The following ZNF219 variants were observed in gnomAD, a reference collection of about 807,000 sequenced individuals.
ZNF219 encodes the protein zinc finger protein 219.
ZNF219 carries 17 observed loss-of-function variants against 54.4 expected under a neutral mutation model. That is an observed-to-expected ratio of 0.31 (90% CI 0.21 to 0.47). The LOEUF is 0.47. Ranked by LOEUF, ZNF219 falls within the 20% of genes least tolerant of loss-of-function variation. ZNF219 has a pLI of 1.00. For synonymous variants in ZNF219, 518 were observed against 476.4 expected (o/e 1.09, Z -1.14); for missense variants, 1,014 against 1,062.3 (o/e 0.95, Z 0.63).
intron 3 of ZNF219, 147 bp downstream of exon 3, chr14:21,091,718 G>C (rs1888890790): frequency 3.5e-6 from 5 of 1,442,070 alleles, no homozygotes; most frequent in Non-Finnish European, 4.5e-6. Context: ...TGATGGCAAA[G>C]CCTCCAGGAA....
Position 21,091,429 on chromosome 14 carries a change from G to A in ZNF219, c.1546C>T (p.His516Tyr). Residue 516 changes from histidine (H) to tyrosine (Y), a missense_variant, in exon 4 of 5, where the codon CAT (histidine) becomes TAT (tyrosine). By Grantham distance (83) the His-to-Tyr change is moderately conservative (BLOSUM62 2). Coordinates refer to ENST00000360947, the MANE Select transcript of ZNF219 (RefSeq NM_016423.3). Reference protein sequence around the residue: ...SFRSAHHLKVHLRVHTGERPY... With the variant: ...SFRSAHHLKVYLRVHTGERPY... The stretch of plus-strand genomic sequence containing the variant: ...CCCTCACCTGTGTGCACTCGCAGAT[G>A]CACTTTGAGGTGATGTGCTGAGCGG... 1 of 1,600,028 alleles carries A rather than the reference G, an allele frequency of 6.2e-7. No homozygotes were observed. The highest frequency in any genetic ancestry group is 1.3e-5 in the African/African-American group (1 of 74,842).
chr14:21,100,988 G>A (rs1448324078), upstream of ZNF219: 1 of 187,448 alleles, frequency 5.3e-6, no homozygotes, highest in Non-Finnish European at 1.1e-5. Context: ...CTTGTGGAGT[G>A]AACTGAGGCC....
rs969092088 is a variant in ZNF219 at position 21,092,039 on chromosome 14, G to T, written c.1258C>A (p.Arg420=). The change falls in exon 3 of 5, where the codon CGG becomes AGG. Residue 420 remains arginine (R), a synonymous_variant. Coordinates refer to ENST00000360947, the MANE Select transcript of ZNF219 (RefSeq NM_016423.3). ...LSSALPARAR[R]HRAEEPEEEE... ...TCCTCAGGCTCCTCCGCACGGTGCC[G>T]GCGAGCCCGGGCCGGGAGAGCAGAG... 4.5e-6 allele frequency: 7 copies of T among 1,547,078 alleles called. No homozygotes were observed. The South Asian group carries it at 7.2e-5, about 16-fold the overall frequency.
rs1889432672 is a variant in ZNF219 at position 21,098,435 on chromosome 14, C to G, written c.-207G>C. On this transcript the variant is annotated 5_prime_UTR_variant, in exon 1 of 5. Coordinates refer to ENST00000360947, the MANE Select transcript of ZNF219 (RefSeq NM_016423.3). The stretch of plus-strand genomic sequence containing the variant: ...GAGATGCGCCGGGCCCCGGCCCCCC[C>G]GCCCCCGGCCCGGCCCCCGCCCCCT... 1.5e-6 allele frequency: 1 copy of G among 683,840 alleles called. No individual in the cohort carries two copies. The highest frequency in any genetic ancestry group is 1.8e-6 in the Non-Finnish European group (1 of 559,690). The allele number at this position is 683,840 out of a possible 1,614,324, so 42.4% of individuals were successfully genotyped here.
In ZNF219 at chr14:21,098,428, GC is replaced by G. The variant is rs1293361033; in HGVS notation, c.-201del. 11 of 583,890 alleles carry G rather than the reference GC, an allele frequency of 1.9e-5. 1 individual carries two copies. The highest frequency in any genetic ancestry group is 7.4e-5 in the South Asian group (1 of 13,540). 36.2% of individuals were successfully genotyped at this position (583,890 alleles called of 1,614,324 possible). On this transcript the variant is annotated 5_prime_UTR_variant, in exon 1 of 5. The change abolishes the stop of an existing upstream ORF in the 5' untranslated region. Transcript: ENST00000360947. ...GCCGGGGGAGATGCGCCGGGCCCCG[GC>G]CCCCCCGCCCCCGGCCCGGCCCCCG...
chr14:21,091,758 G>A (rs1043981845), intron 3 of ZNF219, 107 bp downstream of exon 3: 202 of 1,458,508 alleles, frequency 1.4e-4, no homozygotes, highest in Non-Finnish European at 1.7e-4. Flanking sequence ...AAAAAACTCA[G>A]GAGAAATTAA....
chr14:21,103,138 G>A, upstream of ZNF219: 1 of 1,551,626 alleles, frequency 6.4e-7, no homozygotes, highest in Non-Finnish European at 8.7e-7. Context: ...CTGGTTTTCA[G>A]GGCTTCTCTG....
upstream of ZNF219, chr14:21,102,553 G>A (rs1038009760): frequency 8.4e-6 from 13 of 1,551,686 alleles, no homozygotes; most frequent in Non-Finnish European, 1.0e-5. Context: ...AGGATAAGGA[G>A]GCAAGAGGAG....
rs1238165170 is a variant in ZNF219, at chr14:21,092,479, T to C, written c.818A>G (p.Glu273Gly). The C allele has an allele frequency of 3.2e-6, 5 of 1,553,988 alleles. No individual in the cohort carries two copies. Among genetic ancestry groups the C allele is most frequent in the Non-Finnish European group, 4.4e-6 (5 of 1,148,810 alleles). The change falls in exon 3 of 5, where the codon GAG becomes GGG. Residue 273 changes from glutamate (E) to glycine (G), a missense_variant. By Grantham distance (98) the Glu-to-Gly change is moderately conservative. Around this residue, in one of 5 missense-constraint regions of ZNF219, gnomAD observed 395 missense variants for 415.1 expected, o/e 0.95. Coordinates refer to ENST00000360947, the MANE Select transcript of ZNF219 (RefSeq NM_016423.3). ...CTGGCCGCACACTTGGCAGCGGAAC[T>C]CCGGAGGCGCTGGGGGCTCCTCGGG... ...AAPEEPPAPPEFRCQVCGQSF... is the reference protein window; with the variant it reads ...AAPEEPPAPPGFRCQVCGQSF...
rs1364824070 is a variant in ZNF219, at chr14:21,091,541, T to C, written c.1434A>G (p.Glu478=). The change falls in exon 4 of 5, where the codon GAA becomes GAG. Residue 478 remains glutamate (E), a splice_region_variant and synonymous_variant. Transcript: ENST00000360947. The part of the protein sequence containing the change: ...GAQARSTATQ[E]ENGLLVGGTR... ...TCCCTCCAACCAACAGCCCATTCTCTTCTGCAACACATACGTTAAGAGGAA... is the reference window on the plus strand; with the variant it reads ...TCCCTCCAACCAACAGCCCATTCTCCTCTGCAACACATACGTTAAGAGGAA... The C allele has an allele frequency of 1.3e-6, 2 of 1,596,480 alleles. No individual in the cohort carries two copies. Among genetic ancestry groups the C allele is most frequent in the Non-Finnish European group, 1.7e-6 (2 of 1,166,450 alleles).
intron 3 of ZNF219, 28 bp from the exon 4 acceptor site, chr14:21,091,570 A>G: frequency 1.3e-6 from 2 of 1,581,776 alleles, no homozygotes; most frequent in South Asian, 2.2e-5. Context: ...AGAGGAAGTC[A>G]GGGGGGCCCA....
intron 4 of ZNF219, 91 bp downstream of exon 4, chr14:21,091,320 C>T (rs2139293237): frequency 1.3e-6 from 2 of 1,528,802 alleles, no homozygotes; most frequent in Non-Finnish European, 1.8e-6. Flanking sequence ...CTGAAGGCTT[C>T]GGAACAAACT....
In ZNF219 at chr14:21,090,473, A is replaced by G; in HGVS notation, c.*63T>C. ...CCCCTGCTGGCTTCTCTACCCAACT[A>G]CCTCTAGCGCTCCCCCGCTCCGGCG... On this transcript the variant is annotated 3_prime_UTR_variant, in exon 5 of 5. Transcript: ENST00000360947. This position sits in a 1 kb window ranked among gnomAD's most constrained non-coding sequence, Gnocchi z 4.4. 1 of 1,519,776 alleles carries G rather than the reference A, an allele frequency of 6.6e-7. No individual in the cohort carries two copies. Among genetic ancestry groups the G allele is most frequent in the Non-Finnish European group, 8.8e-7 (1 of 1,131,114 alleles). 94.1% of individuals were successfully genotyped at this position (1,519,776 alleles called of 1,614,324 possible).
At chr14:21,091,626 G>T in intron 3 of ZNF219, 84 bp from the exon 4 acceptor site, 1 of 1,514,722 alleles carries the variant, frequency 6.6e-7, no homozygotes, top group Non-Finnish European at 8.8e-7. Context: ...CATCCCATAG[G>T]GCTGCTTCCC....
At chr14:21,101,950 C>A (rs755925330), upstream of ZNF219, 73 of 1,551,534 alleles carry the variant, frequency 4.7e-5, no homozygotes, top group Non-Finnish European at 6.0e-5. Context: ...ATGGCCACAG[C>A]GCTGCCTCTT....
At chr14:21,102,495 G>A, upstream of ZNF219, 1 of 1,551,780 alleles carries the variant, frequency 6.4e-7, no homozygotes, top group Non-Finnish European at 8.7e-7. Context: ...CTTGGGGCCT[G>A]CCCCAACTGC....
upstream of ZNF219, chr14:21,102,088 C>T: frequency 6.4e-7 from 1 of 1,551,320 alleles, no homozygotes; most frequent in Non-Finnish European, 8.7e-7. Flanking sequence ...GACTGTCACT[C>T]TGGAGCTTCG....
upstream of ZNF219, chr14:21,101,126 C>A: frequency 2.2e-6 from 1 of 455,714 alleles, no homozygotes; most frequent in Non-Finnish European, 4.1e-6. Flanking sequence ...TATCAAGCCC[C>A]TTAGGAGACC....
upstream of ZNF219, chr14:21,102,663 G>A: frequency 6.4e-7 from 1 of 1,551,522 alleles, no homozygotes; most frequent in Non-Finnish European, 8.7e-7. Flanking sequence ...GGAACTCAGT[G>A]CTGAGGCCTT....
Sources: allele counts gnomAD v4.1 joint callset, GRCh38; gene constraint gnomAD v4.1.1; regional missense constraint gnomAD v4.1.1; non-coding constraint Gnocchi (gnomAD v3.1); transcripts MANE v1.5; gene names NCBI Gene and HGNC (gene_info 2026-07-23, HGNC 2026-07-21).